ADGRV1: variants seen among roughly 807,000 people sequenced by gnomAD.
ADGRV1 encodes the protein adhesion G protein-coupled receptor V1.
A neutral mutation model predicts 596.2 loss-of-function variants in ADGRV1; 359 were observed. The ratio of observed to expected loss-of-function variants is 0.60; its 90% CI spans 0.55 to 0.66. ADGRV1 has a LOEUF of 0.66. Among genes scored for constraint, ADGRV1 ranks in the 30% least tolerant of loss-of-function variants. The probability of loss-of-function intolerance (pLI) is 0.00; values close to 1 mark genes in which losing one functional copy is unlikely to be tolerated. For missense variants in ADGRV1, 7,274 were observed against 7,575.6 expected (o/e 0.96, Z 1.48); for synonymous variants, 2,681 against 2,679.2 (o/e 1.00, Z -0.02).
chr5:91,052,451 T>G (rs1027226856), intron 85 of ADGRV1, among the ~76,000 whole-genome samples: 186 of 151,096 alleles, frequency 1.2e-3, no homozygotes, highest in South Asian at 6.0e-3. Context: ...TTTTTTTTTT[T>G]GACAGAATTT....
chr5:90,565,885 T>G (rs2151946206), intron 1 of ADGRV1, among the ~76,000 whole-genome samples: 1 of 152,316 alleles, frequency 6.6e-6, no homozygotes, highest in Admixed American at 6.5e-5. Context: ...CTCATTCGGG[T>G]TTTGATTTGT....
intron 64 of ADGRV1, 27 bp from the exon 65 acceptor site, chr5:90,781,403 T>G: frequency 6.5e-7 from 1 of 1,532,722 alleles, no homozygotes; most frequent in Non-Finnish European, 8.9e-7. Context: ...GTATTTTATT[T>G]TATTTTGATT....
intron 67 of ADGRV1, among the ~76,000 whole-genome samples, chr5:90,785,302 C>T (rs1468102195): frequency 6.8e-6 from 1 of 146,518 alleles, no homozygotes; most frequent in Non-Finnish European, 1.5e-5. Context: ...CATAAAAACC[C>T]TAGGAGAAAA....
Position 90,810,312 on chromosome 5 carries a change from G to C in ADGRV1, c.15052G>C (p.Glu5018Gln), listed in dbSNP as rs1382205925. ...STSSRNIIVS[E>Q]DTQMIRLHVQ... is the part of the protein sequence containing the mutation. ...TAGCTCAAGAAATATCATAGTGTCAGAAGATACACAGATGATCAGATTACA... is the reference window on the plus strand; with the variant it reads ...TAGCTCAAGAAATATCATAGTGTCACAAGATACACAGATGATCAGATTACA... Residue 5018 changes from glutamate to glutamine, a missense_variant, in exon 74 of 90, where the codon GAA becomes CAA. Physicochemically the swap from Glu to Gln is conservative, Grantham distance 29. Around this residue, in one of 5 missense-constraint regions of ADGRV1, gnomAD observed 1,874 missense variants for 1,970.2 expected, o/e 0.95. Coordinates refer to ENST00000405460, the MANE Select transcript of ADGRV1 (RefSeq NM_032119.4). 3 of 1,610,044 alleles carry C rather than the reference G, an allele frequency of 1.9e-6. No individual in the cohort carries two copies. Among genetic ancestry groups the C allele is most frequent in the Non-Finnish European group, 2.5e-6 (3 of 1,178,044 alleles).
chr5:90,731,365 A>T (rs1347595166), intron 50 of ADGRV1, among the ~76,000 whole-genome samples: 1 of 151,966 alleles, frequency 6.6e-6, no homozygotes, highest in Non-Finnish European at 1.5e-5. Flanking sequence ...TGATCCAATC[A>T]CCTCCCACCA....
intron 83 of ADGRV1, among the ~76,000 whole-genome samples, chr5:90,949,200 T>G (rs1202931006): frequency 6.6e-6 from 1 of 152,156 alleles, no homozygotes; most frequent in Non-Finnish European, 1.5e-5. Flanking sequence ...GATGCAAGTA[T>G]ACATGAATAC....
At chr5:91,022,095 AAC>A (rs1562101360) in intron 85 of ADGRV1, among the ~76,000 whole-genome samples, 2 of 152,112 alleles carry the variant, frequency 1.3e-5, no homozygotes, top group African/African-American at 4.8e-5. Flanking sequence ...AAATTGAAAA[AAC>A]ACAGTGGAAT....
intron 85 of ADGRV1, among the ~76,000 whole-genome samples, chr5:91,029,917 T>G (rs529553633): frequency 2.1e-4 from 32 of 152,140 alleles, no homozygotes; most frequent in Non-Finnish European, 3.4e-4. Flanking sequence ...TCTAAACTAT[T>G]TAAAGTTTTA....
chr5:90,778,298 T>C, intron 62 of ADGRV1, 129 bp from the exon 63 acceptor site: 1 of 832,448 alleles, frequency 1.2e-6, no homozygotes, highest in Non-Finnish European at 1.9e-6. Flanking sequence ...GAGGTGCCTG[T>C]GTATGGGATT....
intron 83 of ADGRV1, among the ~76,000 whole-genome samples, chr5:90,942,591 C>T (rs368322859): frequency 9.9e-4 from 150 of 152,130 alleles, no homozygotes; most frequent in Middle Eastern, 3.4e-3. Context: ...CCTTCTGGGG[C>T]CAGAGAAGCT....
intron 85 of ADGRV1, among the ~76,000 whole-genome samples, chr5:91,022,216 G>T (rs1457435161): frequency 6.6e-6 from 1 of 152,032 alleles, no homozygotes. Flanking sequence ...TTCGATTGTA[G>T]CAGATTCTAT....
intron 50 of ADGRV1, among the ~76,000 whole-genome samples, chr5:90,741,975 A>G (rs1754015188): frequency 6.6e-6 from 1 of 151,766 alleles, no homozygotes; most frequent in Non-Finnish European, 1.5e-5. Context: ...CTTTAAATGG[A>G]AGAAGAAGAA....
intron 70 of ADGRV1, chr5:90,793,149 A>G (rs967697887): frequency 6.6e-6 from 1 of 152,190 alleles, no homozygotes; most frequent in Non-Finnish European, 1.5e-5. Flanking sequence ...TACTTTATCA[A>G]TTTCTAACCT....
At chr5:90,937,454 A>ATTTTTTTTTTT (rs60263347) in intron 83 of ADGRV1, among the ~76,000 whole-genome samples, 1 of 105,036 alleles carries the variant, frequency 9.5e-6, no homozygotes, top group Non-Finnish European at 1.9e-5. Context: ...CAGTAACTGT[A>ATTTTTTTTTTT]TTTTTTTTTT....
chr5:90,730,121 T>G (rs911465746), intron 50 of ADGRV1, among the ~76,000 whole-genome samples: 12 of 152,184 alleles, frequency 7.9e-5, no homozygotes, highest in African/African-American at 2.7e-4. Flanking sequence ...CCACCCAAAG[T>G]GCTGGGATTA....
At position 90,676,064 on chromosome 5, in the gene ADGRV1, GT is replaced by G; in HGVS notation, c.5314-15del. On this transcript the variant is annotated splice_polypyrimidine_tract_variant and intron_variant, in intron 24 of 89. Transcript: ENST00000405460. ...AGAATGATTGTAATCTAATGGATCA[GT>G]CTTTTATATTTCAGAATGTTGCTGG... 2 of 1,581,470 alleles carry G rather than the reference GT, an allele frequency of 1.3e-6. No individual in the cohort carries two copies. Among genetic ancestry groups the G allele is most frequent in the Non-Finnish European group, 1.7e-6 (2 of 1,159,002 alleles).
Position 90,753,667 on chromosome 5 carries a change from C to T in ADGRV1, c.11215C>T (p.Leu3739Phe). 4 of 1,613,602 alleles carry T rather than the reference C, an allele frequency of 2.5e-6. No individual in the cohort carries two copies. The highest frequency in any genetic ancestry group is 3.4e-6 in the Non-Finnish European group (4 of 1,179,650). The change falls in exon 54 of 90, where the codon CTC (leucine) becomes TTC (phenylalanine). Residue 3739 changes from leucine (L) to phenylalanine (F), a missense_variant. Leu to Phe is a conservative substitution (Grantham distance 22). Around this residue, in one of 5 missense-constraint regions of ADGRV1, gnomAD observed 3,643 missense variants for 3,809.2 expected, o/e 0.96. Coordinates refer to ENST00000405460, the MANE Select transcript of ADGRV1 (RefSeq NM_032119.4). The stretch of plus-strand genomic sequence containing the variant: ...GTTATCAGAGGTTGTGATTGTAACC[C>T]TCACCCGTATCACCACAGAAGGGGT... ...PELSEVVIVTLTRITTEGVED... is the reference protein window; with the variant it reads ...PELSEVVIVTFTRITTEGVED...
chr5:90,982,613 G>T (rs1382361640), intron 84 of ADGRV1, among the ~76,000 whole-genome samples: 2 of 152,230 alleles, frequency 1.3e-5, no homozygotes, highest in Non-Finnish European at 2.9e-5. Flanking sequence ...GGGACTGTGA[G>T]CATTCTTCTC....
chr5:91,026,811 A>T (rs1004859058), intron 85 of ADGRV1, among the ~76,000 whole-genome samples: 1 of 152,128 alleles, frequency 6.6e-6, no homozygotes, highest in Admixed American at 6.6e-5. Context: ...TGCAACGAGA[A>T]TAGGATCCGA....
Sources: allele counts gnomAD v4.1 joint callset (sites outside exome capture counted in the v4.1 genomes callset), GRCh38; gene constraint gnomAD v4.1.1; regional missense constraint gnomAD v4.1.1; transcripts MANE v1.5; gene names NCBI Gene and HGNC (gene_info 2026-07-23, HGNC 2026-07-21).